Variants in RGS12 observed in about 807,000 individuals in gnomAD.
RGS12 encodes the protein regulator of G-protein signaling 12.
In RGS12, 66 loss-of-function variants were observed where a neutral mutation model predicts 120.1. The ratio of observed to expected loss-of-function variants is 0.55; its 90% confidence interval spans 0.45 to 0.67. RGS12 has a LOEUF of 0.67. Ranked by LOEUF, RGS12 falls within the 30% of genes least tolerant of loss-of-function variation. The probability of loss-of-function intolerance (pLI) is 0.00; values close to 1 mark genes in which losing one functional copy is unlikely to be tolerated. For synonymous variants in RGS12, 827 were observed against 804.7 expected, an observed-to-expected ratio of 1.03 and a Z score of -0.47; for missense variants, 1,859 against 1,957.7, an observed-to-expected ratio of 0.95 and a Z score of 0.95.
intron 2 of RGS12, among the ~76,000 whole-genome samples, chr4:3,338,406 A>G (rs1022331765): frequency 2.0e-5 from 3 of 152,250 alleles, no homozygotes; most frequent in Non-Finnish European, 1.5e-5. Context: ...GTACCTGAGC[A>G]GGGGTTAAGG....
chr4:3,369,834 G>C (rs1348870027), intron 3 of RGS12: 1 of 176,136 alleles, frequency 5.7e-6, no homozygotes, highest in South Asian at 1.8e-4. Flanking sequence ...GCGTGTGCCA[G>C]ATCCCGCTGG....
In RGS12 at chr4:3,430,711, C is replaced by CG; in HGVS notation, c.3873dup (p.Gln1292AlafsTer44). The CG allele has an allele frequency of 6.3e-7, 1 of 1,581,024 alleles. No individual in the cohort carries two copies. Among genetic ancestry groups the CG allele is most frequent in the Non-Finnish European group, 8.6e-7 (1 of 1,163,460 alleles). On this transcript the variant is annotated frameshift_variant, in exon 17 of 18. Coordinates refer to ENST00000336727, the MANE Select transcript of RGS12 (RefSeq NM_001394154.1). LOFTEE classifies it high-confidence loss of function. ...CTGGACCTCCTGGGACGACCCCCCC[C>CG]GGGCAGAAGTCTCCCAGCGGGCCCT...
intron 1 of RGS12, among the ~76,000 whole-genome samples, chr4:3,300,901 G>A (rs896714615): frequency 6.6e-6 from 1 of 152,234 alleles, no homozygotes; most frequent in Non-Finnish European, 1.5e-5. Flanking sequence ...CACAGCTTCT[G>A]GGGATTGGGC....
At chr4:3,377,554 A>G (rs1578867826) in intron 3 of RGS12, among the ~76,000 whole-genome samples, 1 of 152,362 alleles carries the variant, frequency 6.6e-6, no homozygotes, top group East Asian at 1.9e-4. Context: ...TGTATATTAC[A>G]GTATATTACT....
At position 3,293,926 on chromosome 4, in the gene RGS12, GT is replaced by G. The variant is rs1723209812; in HGVS notation, c.-102+828del. 3.0e-3 allele frequency among the ~76,000 whole-genome samples: 60 copies of G among 20,216 alleles called. 2 individuals carry two copies. The allele number at this position is 20,216 out of a possible 152,430, so 13.3% of individuals were successfully genotyped here. ...CCCATAGCTGTGGAGTGTAGACAGA[GT>G]CTCATAGCCGTGCAGACAGAGAAGG... On this transcript the variant is annotated intron_variant, in intron 1 of 17. Transcript: ENST00000336727.
intron 3 of RGS12, chr4:3,370,051 A>T: frequency 7.9e-7 from 1 of 1,266,632 alleles, no homozygotes; most frequent in Non-Finnish European, 9.9e-7. Context: ...AGCGTGATTT[A>T]TGTAAACGGC....
chr4:3,427,903 G>C (rs528180833), intron 14 of RGS12, among the ~76,000 whole-genome samples, 187 bp from the exon 15 acceptor site: 1 of 152,314 alleles, frequency 6.6e-6, no homozygotes, highest in East Asian at 1.9e-4. Flanking sequence ...GGCTGTGTGC[G>C]TGGAGGACGG....
At chr4:3,360,340 TTTTTCTA>T (rs1297721168) in intron 3 of RGS12, among the ~76,000 whole-genome samples, 1 of 152,112 alleles carries the variant, frequency 6.6e-6, no homozygotes. Flanking sequence ...TTTTTTCTTG[TTTTTCTA>T]TTTTCTATTT....
intron 3 of RGS12, among the ~76,000 whole-genome samples, chr4:3,379,006 TGTGTGTG>T (rs397840413): frequency 1.7e-4 from 1 of 5,752 alleles, no homozygotes; most frequent in Non-Finnish European, 8.8e-4. Flanking sequence ...AAATGTGCGA[TGTGTGTG>T]TGTGTGTGTG....
chr4:3,290,366 A>T (rs555438201), upstream of RGS12, among the ~76,000 whole-genome samples: 9 of 152,236 alleles, frequency 5.9e-5, no homozygotes, highest in African/African-American at 2.2e-4. Context: ...ACTGTCAATA[A>T]CTTCTGTCCT....
At chr4:3,310,711 G>A (rs1212977119) in intron 1 of RGS12, among the ~76,000 whole-genome samples, 3 of 151,990 alleles carry the variant, frequency 2.0e-5, no homozygotes, top group Admixed American at 1.3e-4. Flanking sequence ...GTGGGTGTTC[G>A]GCAGCTGTGG....
chr4:3,339,283 C>A (rs77214368), intron 2 of RGS12, among the ~76,000 whole-genome samples: 11,720 of 152,144 alleles, frequency 0.077, 802 homozygotes, highest in African/African-American at 0.19. Context: ...GGAGTTTCAG[C>A]TCAGCCTGGG....
intron 1 of RGS12, among the ~76,000 whole-genome samples, chr4:3,310,129 G>C (rs1724286629): frequency 6.9e-6 from 1 of 144,432 alleles, no homozygotes; most frequent in African/African-American, 2.7e-5. Context: ...CAGGAGAGGA[G>C]CTGGGGCCTG....
chr4:3,327,465 G>T (rs1725628188), intron 2 of RGS12, among the ~76,000 whole-genome samples: 1 of 152,178 alleles, frequency 6.6e-6, no homozygotes, highest in Admixed American at 6.5e-5. Flanking sequence ...CACAGCAAAA[G>T]AAATAATCAA....
intron 2 of RGS12, among the ~76,000 whole-genome samples, chr4:3,331,550 G>A (rs1320398231): frequency 6.6e-6 from 1 of 152,066 alleles, no homozygotes; most frequent in African/African-American, 2.4e-5. Flanking sequence ...AGAGTTTCAG[G>A]TTCAGCACAT....
intron 3 of RGS12, among the ~76,000 whole-genome samples, chr4:3,357,678 G>A (rs932569552): frequency 9.9e-5 from 15 of 152,128 alleles, no homozygotes; most frequent in African/African-American, 3.4e-4. Flanking sequence ...GACTATTTAT[G>A]TAAGGTTTTA....
At chr4:3,368,625 T>C (rs71597208) in intron 3 of RGS12, among the ~76,000 whole-genome samples, 35,931 of 92,534 alleles carry the variant, frequency 0.39, 7,360 homozygotes, top group African/African-American at 0.51. Flanking sequence ...TGTGGGGGGG[T>C]ACATGTGTGT....
At chr4:3,333,880 A>C (rs1376035200) in intron 2 of RGS12, among the ~76,000 whole-genome samples, 1 of 152,234 alleles carries the variant, frequency 6.6e-6, no homozygotes, top group East Asian at 1.9e-4. Context: ...GAGGGAATTG[A>C]TATCTTTAGG....
Position 3,439,613 on chromosome 4 carries a change from C to T in RGS12, c.4273C>T (p.Pro1425Ser), listed in dbSNP as rs774798882. Residue 1425 changes from proline (P) to serine (S), a missense_variant, in exon 18 of 18, where the codon CCT becomes TCT. Physicochemically the swap from Pro to Ser is moderately conservative, Grantham distance 74. Transcript: ENST00000336727. ...ASGGPPTSDLPGLGPVPGEPA... is the reference protein window; with the variant it reads ...ASGGPPTSDLSGLGPVPGEPA... Reference sequence around the variant, plus strand: ...TGGTGGGCCTCCTACATCAGACCTCCCTGGCTTGGGCCCCGTCCCGGGTGA... The same window carrying T: ...TGGTGGGCCTCCTACATCAGACCTCTCTGGCTTGGGCCCCGTCCCGGGTGA... The T allele has an allele frequency of 1.2e-6, 2 of 1,605,904 alleles. No individual in the cohort carries two copies. The highest frequency in any genetic ancestry group is 1.7e-6 in the Non-Finnish European group (2 of 1,176,016).
Sources: gnomAD v4.1 joint callset for allele counts (sites outside exome capture counted in the v4.1 genomes callset) on GRCh38, gnomAD v4.1.1 for gene constraint, MANE v1.5 for transcripts, NCBI Gene and HGNC (gene_info 2026-07-23, HGNC 2026-07-21) for gene names.